Variants in VPS13D observed in about 807,000 individuals in gnomAD.
VPS13D encodes the protein intermembrane lipid transfer protein VPS13D.
In VPS13D, 187 loss-of-function variants were observed where a neutral mutation model predicts 461.9. The observed-to-expected ratio is 0.40, with a 90% CI of 0.36 to 0.46. The LOEUF (loss-of-function observed/expected upper bound fraction) is 0.46, where lower values mean the gene tolerates loss of function less well. VPS13D is among the 20% of genes least tolerant of loss of function. VPS13D has a pLI of 0.60. For missense variants in VPS13D, 4,711 were observed against 5,364.9 expected (o/e 0.88, Z 3.81); for synonymous variants, 1,951 against 1,986.3 (o/e 0.98, Z 0.47).
intron 61 of VPS13D, among the ~76,000 whole-genome samples, chr1:12,400,955 C>CGT (rs1355595289): frequency 2.1e-4 from 17 of 81,416 alleles, no homozygotes; most frequent in African/African-American, 7.7e-4. Context: ...TGTGCACCTG[C>CGT]GCGCGCGCAC....
chr1:12,508,940 A>G lies in VPS13D; in HGVS notation c.13083A>G (p.Ile4361Met), dbSNP rs770598447. The G allele has an allele frequency of 6.2e-7, 1 of 1,614,202 alleles. No homozygotes were observed. Among genetic ancestry groups the G allele is most frequent in the Non-Finnish European group, 8.5e-7 (1 of 1,180,022 alleles). Reference sequence around the variant, plus strand: ...TTGCTGTCAAGTTGTCACAAGAAATAAACTACGCAAAGAGCCTCTACTATG... The same window carrying G: ...TTGCTGTCAAGTTGTCACAAGAAATGAACTACGCAAAGAGCCTCTACTATG... The part of the protein sequence containing the change: ...EVLAVKLSQE[I>M]NYAKSLYYEQ... Residue 4361 changes from isoleucine to methionine, a missense_variant, in exon 70 of 70, where the codon ATA becomes ATG. By Grantham distance (10) the Ile-to-Met change is conservative. Coordinates refer to ENST00000620676, the MANE Select transcript of VPS13D (RefSeq NM_015378.4).
At chr1:12,287,386 C>G (rs576837041) in intron 21 of VPS13D, among the ~76,000 whole-genome samples, 1 of 152,112 alleles carries the variant, frequency 6.6e-6, no homozygotes, top group African/African-American at 2.4e-5. Context: ...TTTTATCCTC[C>G]TGATTATTCA....
At chr1:12,343,074 C>CT (rs768931698) in intron 42 of VPS13D, 23 bp downstream of exon 42, 21 of 1,566,638 alleles carry the variant, frequency 1.3e-5, no homozygotes, top group Admixed American at 8.5e-5. Context: ...TTATTCTTTT[C>CT]TTTAAAAAAA....
Position 12,299,459 on chromosome 1 carries a change from G to A in VPS13D, c.6216+75G>A, listed in dbSNP as rs1436045857. On this transcript the variant is annotated intron_variant, in intron 25 of 69. Coordinates refer to ENST00000620676, the MANE Select transcript of VPS13D (RefSeq NM_015378.4). The surrounding 1 kb of genome is among the most constrained non-coding windows in gnomAD (Gnocchi z 4.2). ...CTAATTGAAAAATTTGTATGCTGCT[G>A]TAAGATGATCCATAATTGCTATTAC... 22 of 1,481,330 alleles carry A rather than the reference G, an allele frequency of 1.5e-5. No individual in the cohort carries two copies. The highest frequency in any genetic ancestry group is 9.9e-6 in the Non-Finnish European group (11 of 1,107,220). 91.8% of individuals were successfully genotyped at this position (1,481,330 alleles called of 1,614,324 possible).
chr1:12,311,865 T>C lies in VPS13D; in HGVS notation c.6875T>C (p.Val2292Ala). 1 of 1,614,130 alleles carries C rather than the reference T, an allele frequency of 6.2e-7. No homozygotes were observed. The highest frequency in any genetic ancestry group is 1.1e-5 in the South Asian group (1 of 91,080). ...YTCMCFLIDM[V>A]NVSLELKDPK... ...TGTATGTGCTTCCTCATTGATATGG[T>C]GAATGTAAGTCTGGAGCTTAAAGAT... Residue 2292 changes from valine (V) to alanine (A), a missense_variant, in exon 29 of 70, where the codon GTG becomes GCG. Physicochemically the swap from Val to Ala is moderately conservative, Grantham distance 64. This residue lies in a region of VPS13D where 4,411 missense variants were observed against 4,937.8 expected (regional missense o/e 0.89). Transcript: ENST00000620676.
rs532246608 is a variant in VPS13D at position 12,355,875 on chromosome 1, G to A, written c.9680-24G>A. On this transcript the variant is annotated intron_variant, in intron 47 of 69. Transcript: ENST00000620676. ...TTGACAAATAGTGAGAACTCTGAAA[G>A]TTAATAGTTTGTATCTTCTTTAGGG... 1.1e-5 allele frequency: 17 copies of A among 1,504,622 alleles called. No individual in the cohort carries two copies. The South Asian group carries it at 2.3e-4, about 20-fold the overall frequency. The allele number at this position is 1,504,622 out of a possible 1,614,324, so 93.2% of individuals were successfully genotyped here. A position where few individuals can be genotyped will look rare whatever the true frequency, so the allele number is the denominator to read the frequency against.
At chr1:12,249,003 GTTA>G (rs1270852033) in intron 5 of VPS13D, among the ~76,000 whole-genome samples, 4 of 152,052 alleles carry the variant, frequency 2.6e-5, no homozygotes, top group Non-Finnish European at 5.9e-5. Flanking sequence ...TAACAAGAGA[GTTA>G]TTATAACTCC....
At chr1:12,443,264 T>TA (rs1645151821) in intron 65 of VPS13D, among the ~76,000 whole-genome samples, 1 of 152,280 alleles carries the variant, frequency 6.6e-6, no homozygotes, top group African/African-American at 2.4e-5. Context: ...TTTTGTCACT[T>TA]ACTGTGACAT....
chr1:12,237,121 C>G (rs1172264551), intron 2 of VPS13D, among the ~76,000 whole-genome samples: 2 of 149,764 alleles, frequency 1.3e-5, no homozygotes, highest in South Asian at 2.1e-4. Flanking sequence ...ATATATATAT[C>G]TGTGTGTGTA....
chr1:12,239,489 C>T (rs940235625), intron 2 of VPS13D, among the ~76,000 whole-genome samples: 2 of 152,174 alleles, frequency 1.3e-5, no homozygotes, highest in Non-Finnish European at 2.9e-5. Context: ...CAGGTCCCCA[C>T]ATTCGAGGTG....
intron 25 of VPS13D, among the ~76,000 whole-genome samples, chr1:12,300,887 T>A (rs978945661): frequency 1.3e-5 from 2 of 152,180 alleles, no homozygotes; most frequent in Non-Finnish European, 2.9e-5. Flanking sequence ...CCTTGCTGGT[T>A]TCCACAGCAG....
chr1:12,456,636 C>CAAAAAAA (rs367987300), intron 66 of VPS13D, among the ~76,000 whole-genome samples: 126 of 83,620 alleles, frequency 1.5e-3, no homozygotes, highest in African/African-American at 5.0e-3. Context: ...GACTCCAATT[C>CAAAAAAA]AAAAAAAAAA....
chr1:12,244,454 TG>T lies in VPS13D; in HGVS notation c.366+21del. The T allele has an allele frequency of 6.2e-7, 1 of 1,614,070 alleles. No individual in the cohort carries two copies. The highest frequency in any genetic ancestry group is 8.5e-7 in the Non-Finnish European group (1 of 1,179,940). ...AATGGAAGGCAAGGCAGAGATCTTC[TG>T]GGCCATAAGAGCAGTTGTGGTGACA... On this transcript the variant is annotated intron_variant, in intron 4 of 69. Coordinates refer to ENST00000620676, the MANE Select transcript of VPS13D (RefSeq NM_015378.4).
chr1:12,469,665 C>T (rs1445994336), intron 67 of VPS13D, among the ~76,000 whole-genome samples: 1 of 152,232 alleles, frequency 6.6e-6, no homozygotes. Flanking sequence ...CCTTTGGCTT[C>T]CTGCCAACAG....
At chr1:12,243,963 A>G (rs1006380293) in intron 3 of VPS13D, among the ~76,000 whole-genome samples, 4 of 152,196 alleles carry the variant, frequency 2.6e-5, no homozygotes, top group Non-Finnish European at 5.9e-5. Flanking sequence ...GATGTACTCC[A>G]GTTGGAAAAG....
At chr1:12,324,003 A>G (rs1476658937) in intron 35 of VPS13D, among the ~76,000 whole-genome samples, 1 of 152,054 alleles carries the variant, frequency 6.6e-6, no homozygotes, top group Non-Finnish European at 1.5e-5. Flanking sequence ...CCACCTCCCC[A>G]GTTCAAGCCA....
At chr1:12,393,503 C>G (rs1029382663) in intron 60 of VPS13D, among the ~76,000 whole-genome samples, 13 of 152,220 alleles carry the variant, frequency 8.5e-5, no homozygotes, top group African/African-American at 2.9e-4. Flanking sequence ...ACATCTGGTA[C>G]AGCAGCTGCA....
chr1:12,454,076 G>A (rs1456632574), intron 65 of VPS13D, among the ~76,000 whole-genome samples: 3 of 152,178 alleles, frequency 2.0e-5, no homozygotes, highest in Non-Finnish European at 4.4e-5. Flanking sequence ...AATAAGAACA[G>A]TAAGAATGCT....
intron 12 of VPS13D, 27 bp from the exon 13 acceptor site, chr1:12,261,874 T>TA (rs1454514180): frequency 6.4e-7 from 1 of 1,563,834 alleles, no homozygotes; most frequent in Non-Finnish European, 8.7e-7. Flanking sequence ...CGTTTTTTCT[T>TA]ACAGTCTTTT....
Sources: gnomAD v4.1 joint callset for allele counts (sites outside exome capture counted in the v4.1 genomes callset) on GRCh38, gnomAD v4.1.1 for gene constraint, gnomAD v4.1.1 regional missense constraint, Gnocchi (gnomAD v3.1) non-coding constraint, MANE v1.5 for transcripts, NCBI Gene and HGNC (gene_info 2026-07-23, HGNC 2026-07-21) for gene names.